The following CSMD1 variants were observed in gnomAD, a reference collection of about 807,000 sequenced individuals.
CSMD1 encodes CUB and sushi domain-containing protein 1.
CSMD1 carries 213 observed loss-of-function variants against 417.5 expected under a neutral mutation model. The observed-to-expected ratio is 0.51, with a 90% CI of 0.46 to 0.57. The LOEUF is 0.57. Among genes scored for constraint, CSMD1 ranks in the 20% least tolerant of loss-of-function variants. CSMD1 has a pLI of 0.00. For missense variants in CSMD1, 6,923 were observed against 4,529.7 expected (o/e 1.53, Z -15.17); for synonymous variants, 2,862 against 1,736.8 (o/e 1.65, Z -16.11).
chr8:3,581,335 G>T (rs908719775), intron 9 of CSMD1, among the ~76,000 whole-genome samples: 2 of 152,214 alleles, frequency 1.3e-5, no homozygotes, highest in African/African-American at 2.4e-5. Context: ...CCTAAATGAA[G>T]TAAGCGTAAT....
chr8:3,934,626 G>A (rs535700467), intron 5 of CSMD1, among the ~76,000 whole-genome samples: 1 of 152,194 alleles, frequency 6.6e-6, no homozygotes, highest in East Asian at 1.9e-4. Flanking sequence ...AGGCCAAGGA[G>A]GTAGATCACC....
intron 5 of CSMD1, among the ~76,000 whole-genome samples, chr8:3,989,106 C>T (rs1814550996): frequency 6.6e-6 from 1 of 152,154 alleles, no homozygotes. Flanking sequence ...AGTAAACGTG[C>T]AGCTAGTTAT....
intron 52 of CSMD1, among the ~76,000 whole-genome samples, chr8:3,006,403 A>C (rs1184695195): frequency 4.0e-5 from 6 of 150,634 alleles, no homozygotes; most frequent in East Asian, 3.9e-4. Context: ...GACTTTCTTC[A>C]CAGAATTGGA....
At chr8:3,760,164 C>A (rs1193065991) in intron 5 of CSMD1, among the ~76,000 whole-genome samples, 1 of 151,972 alleles carries the variant, frequency 6.6e-6, no homozygotes, top group Non-Finnish European at 1.5e-5. Flanking sequence ...TTTGACATGC[C>A]CTATTTCTGG....
intron 23 of CSMD1, among the ~76,000 whole-genome samples, chr8:3,340,783 A>G (rs570580248): frequency 6.6e-6 from 1 of 152,290 alleles, no homozygotes; most frequent in East Asian, 1.9e-4. Context: ...TCTATTACAA[A>G]TATATCTTCC....
chr8:4,642,416 G>A (rs1444394577), intron 1 of CSMD1, among the ~76,000 whole-genome samples: 1 of 152,150 alleles, frequency 6.6e-6, no homozygotes, highest in South Asian at 2.1e-4. Flanking sequence ...CCTCTCCCGG[G>A]CTGTTGCTCT....
chr8:3,956,273 A>G (rs1328097590), intron 5 of CSMD1, among the ~76,000 whole-genome samples: 1 of 152,210 alleles, frequency 6.6e-6, no homozygotes, highest in Non-Finnish European at 1.5e-5. Flanking sequence ...GACTTTTAAA[A>G]CAATGAAACC....
chr8:3,744,207 T>G (rs1445396872), intron 6 of CSMD1, among the ~76,000 whole-genome samples: 1 of 152,044 alleles, frequency 6.6e-6, no homozygotes, highest in Non-Finnish European at 1.5e-5. Context: ...AGGACAGGGA[T>G]GACGTGTTCA....
At chr8:3,865,741 C>G (rs1008091217) in intron 5 of CSMD1, among the ~76,000 whole-genome samples, 1 of 152,148 alleles carries the variant, frequency 6.6e-6, no homozygotes, top group Non-Finnish European at 1.5e-5. Context: ...AGCTTACATG[C>G]TAATGGAGTA....
chr8:3,580,681 A>C (rs1800345035), intron 9 of CSMD1, among the ~76,000 whole-genome samples: 1 of 152,222 alleles, frequency 6.6e-6, no homozygotes, highest in African/African-American at 2.4e-5. Context: ...CTCCAAATTC[A>C]CAGGAATTAA....
intron 5 of CSMD1, among the ~76,000 whole-genome samples, chr8:3,856,134 T>A (rs1190094655): frequency 6.6e-6 from 1 of 152,092 alleles, no homozygotes; most frequent in Non-Finnish European, 1.5e-5. Context: ...CGGGGCTTGG[T>A]GGGAGGTGAC....
chr8:4,400,403 C>A (rs1043199111), intron 3 of CSMD1, among the ~76,000 whole-genome samples: 1 of 152,214 alleles, frequency 6.6e-6, no homozygotes, highest in African/African-American at 2.4e-5. Flanking sequence ...TTTGCCGTTC[C>A]AGGAGCATAT....
At chr8:4,393,561 CAAGAGAA>C (rs1247061757) in intron 3 of CSMD1, among the ~76,000 whole-genome samples, 1 of 152,142 alleles carries the variant, frequency 6.6e-6, no homozygotes, top group Non-Finnish European at 1.5e-5. Context: ...AAGCATGCAG[CAAGAGAA>C]AGGCCTTCTG....
intron 3 of CSMD1, among the ~76,000 whole-genome samples, chr8:4,335,842 G>C (rs1344332001): frequency 1.3e-5 from 2 of 151,994 alleles, no homozygotes; most frequent in Non-Finnish European, 2.9e-5. Context: ...GGTTGATTGG[G>C]GTATCTAAGC....
intron 18 of CSMD1, among the ~76,000 whole-genome samples, chr8:3,374,145 G>T (rs1192113223): frequency 2.0e-5 from 3 of 150,930 alleles, no homozygotes; most frequent in Non-Finnish European, 4.4e-5. Context: ...GTAGAGACGG[G>T]GTTTCACCTT....
chr8:3,843,289 G>A (rs191963213), intron 5 of CSMD1, among the ~76,000 whole-genome samples: 10 of 152,118 alleles, frequency 6.6e-5, no homozygotes, highest in Non-Finnish European at 1.2e-4. Flanking sequence ...TTGTTAATGA[G>A]TTTATCTTTT....
rs953916051 is a variant in CSMD1 at position 3,705,255 on chromosome 8, C to T, written c.1009+3159G>A. ...GTGCTGAAATCCAGAGGGACATGAA[C>T]GCACAAGGTCACCCTCTGCAAAGAG... On this transcript the variant is annotated intron_variant, in intron 7 of 69. Transcript: ENST00000635120. Among the ~76,000 whole-genome samples, 49 of 152,168 alleles carry T rather than the reference C, an allele frequency of 3.2e-4. 1 individual carries two copies. Among genetic ancestry groups the T allele is most frequent in the Non-Finnish European group, 7.3e-5 (5 of 68,028 alleles).
chr8:3,439,309 A>ATATATATATATATATATATATATATATT, intron 12 of CSMD1, among the ~76,000 whole-genome samples: 4 of 62,452 alleles, frequency 6.4e-5, no homozygotes, highest in African/African-American at 1.3e-4. Flanking sequence ...ATATATATAT[A>ATATATATATATATATATATATATATATT]TTTTTTTTTT....
At chr8:3,522,069 T>A (rs1367194794) in intron 10 of CSMD1, among the ~76,000 whole-genome samples, 2 of 152,244 alleles carry the variant, frequency 1.3e-5, no homozygotes, top group African/African-American at 4.8e-5. Flanking sequence ...TCCTTATAGA[T>A]ATTTGGGATG....
Sources: gnomAD v4.1 joint callset for allele counts (sites outside exome capture counted in the v4.1 genomes callset) on GRCh38, gnomAD v4.1.1 for gene constraint, MANE v1.5 for transcripts, NCBI Gene and HGNC (gene_info 2026-07-23, HGNC 2026-07-21) for gene names.